The following GALNTL6 variants were observed in gnomAD, a reference collection of about 807,000 sequenced individuals.
The protein encoded by GALNTL6 is polypeptide N-acetylgalactosaminyltransferase-like 6.
GALNTL6 carries 46 observed loss-of-function variants against 73.7 expected under a neutral mutation model. The ratio of observed to expected loss-of-function variants is 0.62; its 90% confidence interval spans 0.49 to 0.80. The LOEUF is 0.80. Ranked by LOEUF, GALNTL6 falls within the 30% of genes least tolerant of loss-of-function variation. GALNTL6 has a pLI of 0.00. For synonymous variants in GALNTL6, 259 were observed against 263.7 expected (o/e 0.98, Z 0.17); for missense variants, 604 against 755.0 (o/e 0.80, Z 2.34).
chr4:171,967,453 T>TGTTTTTTTTTG (rs201757829), intron 2 of GALNTL6, among the ~76,000 whole-genome samples: 12 of 141,378 alleles, frequency 8.5e-5, no homozygotes, highest in East Asian at 7.9e-4. Context: ...ATGGGTTTTT[T>TGTTTTTTTTTG]TTTTTTTTTT....
chr4:171,909,650 G>A (rs1737412238), intron 2 of GALNTL6, among the ~76,000 whole-genome samples: 3 of 152,138 alleles, frequency 2.0e-5, no homozygotes, highest in Non-Finnish European at 2.9e-5. Context: ...TATTTGACTC[G>A]AAAGTTTGCC....
At chr4:172,670,647 T>C (rs1279563689) in intron 5 of GALNTL6, among the ~76,000 whole-genome samples, 1 of 152,228 alleles carries the variant, frequency 6.6e-6, no homozygotes, top group Non-Finnish European at 1.5e-5. Context: ...AAAAGCACTT[T>C]AGTTTAACTA....
intron 2 of GALNTL6, among the ~76,000 whole-genome samples, chr4:171,841,987 T>C (rs915113064): frequency 2.6e-5 from 4 of 152,090 alleles, no homozygotes; most frequent in Non-Finnish European, 5.9e-5. Context: ...TTTCATGAAT[T>C]ATGTTTCTTT....
At chr4:172,650,352 T>C (rs1740420578) in intron 5 of GALNTL6, among the ~76,000 whole-genome samples, 1 of 152,110 alleles carries the variant, frequency 6.6e-6, no homozygotes, top group Non-Finnish European at 1.5e-5. Context: ...AATAAATAGA[T>C]AAAAGTCGCA....
intron 5 of GALNTL6, among the ~76,000 whole-genome samples, chr4:172,461,717 A>G (rs1170179454): frequency 6.6e-6 from 1 of 152,214 alleles, no homozygotes; most frequent in East Asian, 1.9e-4. Flanking sequence ...GTTTTTGCTT[A>G]TAAGGTCAGA....
At chr4:172,473,970 G>A (rs1425934920) in intron 5 of GALNTL6, among the ~76,000 whole-genome samples, 4 of 152,106 alleles carry the variant, frequency 2.6e-5, no homozygotes, top group Non-Finnish European at 4.4e-5. Context: ...ACAGAGCTCT[G>A]CAATGTGTTC....
intron 2 of GALNTL6, among the ~76,000 whole-genome samples, chr4:171,944,779 A>G (rs1053142067): frequency 1.3e-5 from 2 of 151,972 alleles, no homozygotes; most frequent in Non-Finnish European, 2.9e-5. Context: ...TTAACACTCA[A>G]AAGAAATTTA....
intron 2 of GALNTL6, among the ~76,000 whole-genome samples, chr4:172,227,748 G>A (rs1736918034): frequency 6.6e-6 from 1 of 152,054 alleles, no homozygotes; most frequent in South Asian, 2.1e-4. Flanking sequence ...GAGAGTAAAT[G>A]TTAACTTTTG....
intron 3 of GALNTL6, among the ~76,000 whole-genome samples, chr4:172,242,370 A>G (rs1044726143): frequency 2.0e-5 from 3 of 152,102 alleles, no homozygotes; most frequent in Non-Finnish European, 2.9e-5. Flanking sequence ...AAATCATTAT[A>G]TCACTGATAT....
intron 12 of GALNTL6, among the ~76,000 whole-genome samples, chr4:173,032,711 G>A (rs1753522795): frequency 6.6e-6 from 1 of 152,170 alleles, no homozygotes. Flanking sequence ...CCAGACATCT[G>A]TAGAAGCAGG....
At chr4:172,717,887 G>A (rs779063078) in intron 5 of GALNTL6, among the ~76,000 whole-genome samples, 1 of 152,190 alleles carries the variant, frequency 6.6e-6, no homozygotes, top group Non-Finnish European at 1.5e-5. Flanking sequence ...GAGATTAAGG[G>A]TGTGTGTTTA....
intron 2 of GALNTL6, among the ~76,000 whole-genome samples, chr4:172,162,556 A>C (rs1579199870): frequency 6.6e-6 from 1 of 152,038 alleles, no homozygotes; most frequent in East Asian, 1.9e-4. Flanking sequence ...ACCTCCAAAC[A>C]TGGTCATTCA....
chr4:172,511,313 G>T (rs1217915484), intron 5 of GALNTL6, among the ~76,000 whole-genome samples: 1 of 54,482 alleles, frequency 1.8e-5, no homozygotes, highest in Non-Finnish European at 4.2e-5. Flanking sequence ...TTCCAGTTGC[G>T]CTTATTTGGA....
At chr4:171,828,733 C>T (rs768361164) in intron 2 of GALNTL6, among the ~76,000 whole-genome samples, 2 of 152,114 alleles carry the variant, frequency 1.3e-5, no homozygotes, top group Non-Finnish European at 2.9e-5. Flanking sequence ...AACGATTCTC[C>T]GGCCTCAGCC....
At chr4:172,049,714 C>T (rs113933736) in intron 2 of GALNTL6, among the ~76,000 whole-genome samples, 46 of 152,078 alleles carry the variant, frequency 3.0e-4, no homozygotes, top group Non-Finnish European at 1.5e-4. Context: ...CCTGGCGCAG[C>T]GGCTCATGCC....
intron 7 of GALNTL6, among the ~76,000 whole-genome samples, chr4:172,876,977 TG>T (rs1448639693): frequency 6.6e-6 from 1 of 152,192 alleles, no homozygotes; most frequent in African/African-American, 2.4e-5. Context: ...GACTGAGTCC[TG>T]GGGGAAACTG....
At chr4:171,868,526 G>A (rs1045528270) in intron 2 of GALNTL6, among the ~76,000 whole-genome samples, 1 of 152,096 alleles carries the variant, frequency 6.6e-6, no homozygotes, top group African/African-American at 2.4e-5. Context: ...TGCAGGACTT[G>A]ACACAAATAT....
rs563170953 is a variant in GALNTL6, at chr4:172,512,581, AG to A, written c.553+163894del. ...GAAGGTTCTATTTTGGTGTATTTTG[AG>A]GTTTTGTTTCAAGATGTAGAGCTCC... On this transcript the variant is annotated intron_variant, in intron 5 of 12. Coordinates refer to ENST00000506823, the MANE Select transcript of GALNTL6 (RefSeq NM_001034845.3). Among the ~76,000 whole-genome samples the A allele has an allele frequency of 3.3e-5, 5 of 151,830 alleles. No individual in the cohort carries two copies. In the South Asian group the frequency reaches 1.0e-3, roughly 32 times the overall value.
chr4:171,873,873 G>A (rs111364119), intron 2 of GALNTL6, among the ~76,000 whole-genome samples: 2 of 152,112 alleles, frequency 1.3e-5, no homozygotes. Context: ...GGAGTTGAAG[G>A]AGGGACATGA....
Sources: allele counts gnomAD v4.1 joint callset (sites outside exome capture counted in the v4.1 genomes callset), GRCh38; gene constraint gnomAD v4.1.1; transcripts MANE v1.5; gene names NCBI Gene and HGNC (gene_info 2026-07-23, HGNC 2026-07-21).